The following PFKP variants were observed in gnomAD, a reference collection of about 807,000 sequenced individuals.
The protein encoded by PFKP is phosphofructokinase, platelet.
PFKP carries 101 observed loss-of-function variants against 94.3 expected under a neutral mutation model. That is an observed-to-expected ratio of 1.07 (90% confidence interval 0.91 to 1.26). The LOEUF (loss-of-function observed/expected upper bound fraction) is 1.26, where lower values mean the gene tolerates loss of function less well. PFKP is among the 50% of genes most tolerant of loss of function. The probability of loss-of-function intolerance (pLI) is 0.00; values close to 1 mark genes in which losing one functional copy is unlikely to be tolerated. For synonymous variants in PFKP, 573 were observed against 432.6 expected, an observed-to-expected ratio of 1.32 and a Z score of -4.03; for missense variants, 1,145 against 1,103.3, an observed-to-expected ratio of 1.04 and a Z score of -0.53.
rs1836309103 is a variant in PFKP, at chr10:3,112,216, T to C, written c.1090-6T>C. On this transcript the variant is annotated splice_region_variant and splice_polypyrimidine_tract_variant and intron_variant, in intron 10 of 21. Coordinates refer to ENST00000381125, the MANE Select transcript of PFKP (RefSeq NM_002627.5). ...TTCTTTCTTCTTTTCATCATTGTTT[T>C]AAAAGACTCAGGATGTGCAGAAGGC... 1.2e-6 allele frequency: 2 copies of C among 1,611,228 alleles called. No homozygotes were observed. The highest frequency in any genetic ancestry group is 1.7e-6 in the Non-Finnish European group (2 of 1,177,348).
chr10:3,074,971 T>G (rs2131383520), intron 1 of PFKP, among the ~76,000 whole-genome samples: 1 of 152,286 alleles, frequency 6.6e-6, no homozygotes, highest in East Asian at 1.9e-4. Flanking sequence ...ACGTGTTTAT[T>G]AACAGCAAGC....
intron 2 of PFKP, among the ~76,000 whole-genome samples, chr10:3,095,954 A>ATT (rs11426937): frequency 6.6e-6 from 1 of 152,002 alleles, no homozygotes; most frequent in Non-Finnish European, 1.5e-5. Context: ...CTCCCTTTCT[A>ATT]TTTTTTAATG....
intron 2 of PFKP, among the ~76,000 whole-genome samples, chr10:3,095,782 C>T (rs1834432876): frequency 6.6e-6 from 1 of 152,208 alleles, no homozygotes; most frequent in Admixed American, 6.5e-5. Flanking sequence ...TTAGTAATAT[C>T]TTCCTTGTTG....
rs1407299328 is a variant in PFKP at position 3,101,504 on chromosome 10, A to G, written c.404A>G (p.Asn135Ser). ...IGGDGSLTGANLFRKEWSGLL... is the reference protein window; with the variant it reads ...IGGDGSLTGASLFRKEWSGLL... ...GGGGACGGGAGCCTCACCGGGGCCA[A>G]CCTCTTCCGGAAGGAGTGGAGTGGG... Residue 135 changes from asparagine (N) to serine (S), a missense_variant, in exon 4 of 22, where the codon AAC (asparagine) becomes AGC (serine). Asn to Ser is a conservative substitution (Grantham distance 46). Around this residue, in one of 3 missense-constraint regions of PFKP, gnomAD observed 1,119 missense variants for 1,062.8 expected, o/e 1.05. Coordinates refer to ENST00000381125, the MANE Select transcript of PFKP (RefSeq NM_002627.5). 3.8e-6 allele frequency: 6 copies of G among 1,593,468 alleles called. No individual in the cohort carries two copies. Among genetic ancestry groups the G allele is most frequent in the Non-Finnish European group, 5.1e-6 (6 of 1,169,064 alleles).
intron 13 of PFKP, among the ~76,000 whole-genome samples, chr10:3,113,891 C>T (rs955182150): frequency 2.0e-5 from 3 of 152,180 alleles, no homozygotes; most frequent in Non-Finnish European, 2.9e-5. Context: ...CAAGCACCCA[C>T]TGAAATACAA....
At chr10:3,088,942 T>G (rs1248617611) in intron 2 of PFKP, among the ~76,000 whole-genome samples, 3 of 152,054 alleles carry the variant, frequency 2.0e-5, no homozygotes, top group Non-Finnish European at 4.4e-5. Flanking sequence ...ATTTCTTATT[T>G]CTTTTTCCAT....
At chr10:3,075,330 T>C (rs957386870) in intron 1 of PFKP, among the ~76,000 whole-genome samples, 1 of 151,872 alleles carries the variant, frequency 6.6e-6, no homozygotes, top group African/African-American at 2.4e-5. Context: ...CCCAACAGAA[T>C]GGAAGGAATT....
chr10:3,077,540 A>G (rs948113735), intron 1 of PFKP, among the ~76,000 whole-genome samples: 2 of 152,014 alleles, frequency 1.3e-5, no homozygotes, highest in African/African-American at 2.4e-5. Context: ...TGCTGGGATT[A>G]CAGGCATGAG....
chr10:3,069,468 C>A, intron 1 of PFKP: 1 of 1,340,614 alleles, frequency 7.5e-7, no homozygotes, highest in Non-Finnish European at 1.0e-6. Context: ...GCAGAGGGAG[C>A]ACCTTGAGTG....
chr10:3,093,880 T>C lies in PFKP; in HGVS notation c.187-5395T>C, dbSNP rs1221851292. ...GGATGGTCTCCATCTCCTGACCTTG[T>C]GATCCGCCCGCCTTGGCCTCCCAAA... On this transcript the variant is annotated intron_variant, in intron 2 of 21. Transcript: ENST00000381125. Among the ~76,000 whole-genome samples the C allele has an allele frequency of 2.0e-5, 3 of 152,284 alleles. No homozygotes were observed. The East Asian group carries it at 5.8e-4, about 29-fold the overall frequency.
At chr10:3,114,367 C>T (rs531448937) in intron 13 of PFKP, among the ~76,000 whole-genome samples, 2 of 152,286 alleles carry the variant, frequency 1.3e-5, no homozygotes, top group Admixed American at 1.3e-4. Flanking sequence ...CCAGGCTGGT[C>T]TTGACCTCCT....
chr10:3,100,078 TGTGTGTGA>T (rs1456081949), intron 3 of PFKP, among the ~76,000 whole-genome samples: 3 of 150,140 alleles, frequency 2.0e-5, no homozygotes, highest in Non-Finnish European at 4.5e-5. Flanking sequence ...TGTGTGTGTG[TGTGTGTGA>T]AAGAGAGTGA....
In PFKP at chr10:3,105,095, T is replaced by G; in HGVS notation, c.621-20T>G. On this transcript the variant is annotated intron_variant, in intron 5 of 21. Transcript: ENST00000381125. ...CTGCTTTCTGAGCTGTGTCCGGGGC[T>G]CCCTCTGTTTCTCTTCCAGCCACCA... 1 of 1,612,876 alleles carries G rather than the reference T, an allele frequency of 6.2e-7. No individual in the cohort carries two copies. The highest frequency in any genetic ancestry group is 8.5e-7 in the Non-Finnish European group (1 of 1,178,960).
intron 7 of PFKP, 50 bp from the exon 8 acceptor site, chr10:3,107,164 G>C: frequency 8.7e-7 from 1 of 1,143,554 alleles, no homozygotes; most frequent in Non-Finnish European, 1.3e-6. Flanking sequence ...TGCATTTGTT[G>C]CTAAGAACAG....
chr10:3,082,994 A>G (rs1360153241), intron 2 of PFKP, among the ~76,000 whole-genome samples: 5 of 152,284 alleles, frequency 3.3e-5, no homozygotes, highest in Non-Finnish European at 1.5e-5. Flanking sequence ...TACAGGTGTG[A>G]GCCACTGTGC....
intron 2 of PFKP, among the ~76,000 whole-genome samples, chr10:3,086,044 C>T (rs1833566968): frequency 6.6e-6 from 1 of 152,068 alleles, no homozygotes; most frequent in Non-Finnish European, 1.5e-5. Context: ...GTACCACACC[C>T]GTCCTGAGAG....
rs1228398986 is a variant in PFKP at position 3,101,508 on chromosome 10, C to T, written c.408C>T (p.Leu136=). The change falls in exon 4 of 22, where the codon CTC becomes CTT. Residue 136 remains leucine, a synonymous_variant. Transcript: ENST00000381125. ...GGDGSLTGAN[L]FRKEWSGLLE... ...ACGGGAGCCTCACCGGGGCCAACCT[C>T]TTCCGGAAGGAGTGGAGTGGGCTGC... 1 of 1,590,734 alleles carries T rather than the reference C, an allele frequency of 6.3e-7. No individual in the cohort carries two copies. The highest frequency in any genetic ancestry group is 8.6e-7 in the Non-Finnish European group (1 of 1,167,442).
At chr10:3,103,394 C>T (rs1387693307) in intron 4 of PFKP, among the ~76,000 whole-genome samples, 1 of 152,144 alleles carries the variant, frequency 6.6e-6, no homozygotes, top group East Asian at 1.9e-4. Flanking sequence ...CACCTATAAT[C>T]CCAGCACTTT....
rs1836474571 is a variant in PFKP at position 3,113,523 on chromosome 10, G to A, written c.1371+5G>A. ...GACGGCTTCGCCAAGGGCCAGGTGA[G>A]TCACCCAGGATGCCGTAGGCAGGCA... On this transcript the variant is annotated splice_donor_5th_base_variant and intron_variant, in intron 13 of 21. Transcript: ENST00000381125. 1 of 1,611,570 alleles carries A rather than the reference G, an allele frequency of 6.2e-7. No individual in the cohort carries two copies. The highest frequency in any genetic ancestry group is 1.1e-5 in the South Asian group (1 of 91,026).
Sources: gnomAD v4.1 joint callset for allele counts (sites outside exome capture counted in the v4.1 genomes callset) on GRCh38, gnomAD v4.1.1 for gene constraint, gnomAD v4.1.1 regional missense constraint, MANE v1.5 for transcripts, NCBI Gene and HGNC (gene_info 2026-07-23, HGNC 2026-07-21) for gene names.